RAB4A: variants seen among roughly 807,000 people sequenced by gnomAD.
RAB4A encodes the protein ras-related protein Rab-4A.
RAB4A carries 20 observed loss-of-function variants against 34.5 expected under a neutral mutation model. That is an observed-to-expected ratio of 0.58 (90% confidence interval 0.41 to 0.84). The LOEUF is 0.84. Ranked by LOEUF, RAB4A falls within the 40% of genes least tolerant of loss-of-function variation. RAB4A has a pLI of 0.00. For synonymous variants in RAB4A, 102 were observed against 100.0 expected (o/e 1.02, Z -0.12); for missense variants, 228 against 274.5 (o/e 0.83, Z 1.20).
At chr1:229,302,309 A>ATATATTT (rs1657431515) in intron 6 of RAB4A, among the ~76,000 whole-genome samples, 1 of 35,898 alleles carries the variant, frequency 2.8e-5, no homozygotes, top group African/African-American at 8.1e-5. Flanking sequence ...ATATATATAT[A>ATATATTT]TTTTTTTTTT....
intron 1 of RAB4A, among the ~76,000 whole-genome samples, chr1:229,282,849 G>A (rs1287571338): frequency 6.6e-6 from 1 of 152,034 alleles, no homozygotes; most frequent in Non-Finnish European, 1.5e-5. Context: ...TTTTTCATTT[G>A]TTTCAAGCAT....
At chr1:229,297,715 T>C in intron 5 of RAB4A, 79 bp downstream of exon 5, 2 of 1,364,830 alleles carry the variant, frequency 1.5e-6, no homozygotes, top group African/African-American at 1.5e-5. Context: ...TTAAAACATA[T>C]ATTGGAATTT....
intron 2 of RAB4A, among the ~76,000 whole-genome samples, 189 bp downstream of exon 2, chr1:229,286,755 G>A (rs1214971913): frequency 6.6e-6 from 1 of 152,168 alleles, no homozygotes; most frequent in Non-Finnish European, 1.5e-5. Context: ...TTTAACAATG[G>A]TTCAGTATAT....
intron 6 of RAB4A, among the ~76,000 whole-genome samples, chr1:229,301,852 G>A (rs529811566): frequency 2.6e-5 from 4 of 151,514 alleles, no homozygotes; most frequent in South Asian, 2.1e-4. Flanking sequence ...TATAGTTTCC[G>A]TATATACATA....
At chr1:229,279,610 C>G (rs1164485713) in intron 1 of RAB4A, among the ~76,000 whole-genome samples, 2 of 152,082 alleles carry the variant, frequency 1.3e-5, no homozygotes, top group Non-Finnish European at 2.9e-5. Context: ...GCTAGGAGAC[C>G]TTTTTTTCCT....
chr1:229,302,729 G>C (rs1332718037), intron 6 of RAB4A, 133 bp from the exon 7 acceptor site: 1 of 610,274 alleles, frequency 1.6e-6, no homozygotes, highest in East Asian at 3.0e-5. Context: ...CATATATATA[G>C]TTTTTTCCCT....
At chr1:229,275,171 C>T (rs1004749834) in intron 1 of RAB4A, among the ~76,000 whole-genome samples, 2 of 152,104 alleles carry the variant, frequency 1.3e-5, no homozygotes, top group South Asian at 2.1e-4. Flanking sequence ...ATGAGGTCAT[C>T]GTACTGAATT....
chr1:229,305,395 A>G lies in RAB4A; in HGVS notation c.*1602A>G. Reference sequence around the variant, plus strand: ...CAGCTTATTCAAAAGCAAGAATTTTAAAAATAAGATAAATGTAAAGTTGTT... The same window carrying G: ...CAGCTTATTCAAAAGCAAGAATTTTGAAAATAAGATAAATGTAAAGTTGTT... On this transcript the variant is annotated 3_prime_UTR_variant, in exon 8 of 8. Transcript: ENST00000366690. 1 of 1,069,160 alleles carries G rather than the reference A, an allele frequency of 9.4e-7. No individual in the cohort carries two copies. Among genetic ancestry groups the G allele is most frequent in the East Asian group, 2.7e-5 (1 of 36,466 alleles). The allele number at this position is 1,069,160 out of a possible 1,614,324, so 66.2% of individuals were successfully genotyped here.
rs1657483333 is a variant in RAB4A, at chr1:229,303,948, A to T, written c.*155A>T. Reference sequence around the variant, plus strand: ...TTGGGGTGTTCTGCAAGCCAGTCAAAGTGGCACAGCAAATCATATAAATCG... The same window carrying T: ...TTGGGGTGTTCTGCAAGCCAGTCAATGTGGCACAGCAAATCATATAAATCG... On this transcript the variant is annotated 3_prime_UTR_variant, in exon 8 of 8. Transcript: ENST00000366690. 6.6e-6 allele frequency: 1 copy of T among 152,226 alleles called. No homozygotes were observed. Among genetic ancestry groups the T allele is most frequent in the African/African-American group, 2.4e-5 (1 of 41,458 alleles). The allele number at this position is 152,226 out of a possible 1,614,324, so 9.4% of individuals were successfully genotyped here. A position where few individuals can be genotyped will look rare whatever the true frequency, so the allele number is the denominator to read the frequency against.
Position 229,288,793 on chromosome 1 carries a change from T to G in RAB4A, c.177T>G (p.Gly59=). ...EFGSKIINVG[G]KYVKLQIWDT... ...GTTCAAAGATAATAAATGTTGGTGG[T>G]AAATATGTAAAGTTACAAATATGGG... is the stretch of plus-strand genomic sequence containing the variant. Residue 59 remains glycine, a synonymous_variant, in exon 3 of 8, where the codon GGT becomes GGG. Transcript: ENST00000366690. 3 of 1,596,820 alleles carry G rather than the reference T, an allele frequency of 1.9e-6. No homozygotes were observed. The highest frequency in any genetic ancestry group is 2.6e-6 in the Non-Finnish European group (3 of 1,165,082).
At position 229,274,312 on chromosome 1, in the gene RAB4A, G is replaced by A. The variant is rs143647354; in HGVS notation, c.31+2942G>A. Among the ~76,000 whole-genome samples the A allele has an allele frequency of 3.0e-4, 45 of 151,404 alleles. 1 individual carries two copies. The highest frequency in any genetic ancestry group is 1.0e-3 in the African/African-American group (42 of 41,250). On this transcript the variant is annotated intron_variant, in intron 1 of 7. Coordinates refer to ENST00000366690, the MANE Select transcript of RAB4A (RefSeq NM_004578.4). Reference sequence around the variant, plus strand: ...ACTCCTGGGCTCAAGTGATCCTCGTGCCTCCACCTCCCAAAATGTTGAGAT... The same window carrying A: ...ACTCCTGGGCTCAAGTGATCCTCGTACCTCCACCTCCCAAAATGTTGAGAT...
Position 229,286,642 on chromosome 1 carries a change from A to T in RAB4A, c.112+76A>T, listed in dbSNP as rs996748017. On this transcript the variant is annotated intron_variant, in intron 2 of 7. Transcript: ENST00000366690. ...TCTCACTCAGATTTGTTTACAGTAA[A>T]CTTAATTTTTTCAGAGGAAAAAAGT... 7 of 928,172 alleles carry T rather than the reference A, an allele frequency of 7.5e-6. No homozygotes were observed. In the East Asian group the frequency reaches 1.7e-4, roughly 22 times the overall value. The allele number at this position is 928,172 out of a possible 1,614,324, so 57.5% of individuals were successfully genotyped here. A position where few individuals can be genotyped will look rare whatever the true frequency, so the allele number is the denominator to read the frequency against.
chr1:229,278,699 G>C (rs929838140), intron 1 of RAB4A, among the ~76,000 whole-genome samples: 1 of 152,018 alleles, frequency 6.6e-6, no homozygotes, highest in African/African-American at 2.4e-5. Context: ...CTGACTTTGC[G>C]CCTTCCTCCT....
chr1:229,300,720 T>C (rs1391335286), intron 6 of RAB4A, among the ~76,000 whole-genome samples: 2 of 152,076 alleles, frequency 1.3e-5, no homozygotes, highest in Non-Finnish European at 2.9e-5. Context: ...CATGGAGTTA[T>C]CTAGTAAGCT....
In RAB4A at chr1:229,304,221, T is replaced by C. The variant is rs1477325350; in HGVS notation, c.*428T>C. The C allele has an allele frequency of 6.6e-6, 1 of 152,182 alleles. No individual in the cohort carries two copies. Among genetic ancestry groups the C allele is most frequent in the African/African-American group, 2.4e-5 (1 of 41,428 alleles). The allele number at this position is 152,182 out of a possible 1,614,324, so 9.4% of individuals were successfully genotyped here. ...TGTGCTTTTCTCATCATGTTGGTTA[T>C]ATTGCACAATTGGTTATATTTATGA... is the stretch of plus-strand genomic sequence containing the variant. On this transcript the variant is annotated 3_prime_UTR_variant, in exon 8 of 8. Transcript: ENST00000366690.
At position 229,294,432 on chromosome 1, in the gene RAB4A, G is replaced by A. The variant is rs148271976; in HGVS notation, c.228-1416G>A. Reference sequence around the variant, plus strand: ...AGTGAGGACAGAAATGCCCACTCCAGCTTCGGTTGCAGAGAGGGTGGGGAC... The same window carrying A: ...AGTGAGGACAGAAATGCCCACTCCAACTTCGGTTGCAGAGAGGGTGGGGAC... On this transcript the variant is annotated intron_variant, in intron 3 of 7. Transcript: ENST00000366690. Among the ~76,000 whole-genome samples, 355 of 152,382 alleles carry A rather than the reference G, an allele frequency of 2.3e-3. 1 individual carries two copies. The highest frequency in any genetic ancestry group is 0.017 in the Middle Eastern group (5 of 294).
chr1:229,280,224 A>G (rs1332769315), intron 1 of RAB4A, among the ~76,000 whole-genome samples: 2 of 152,236 alleles, frequency 1.3e-5, no homozygotes, highest in Non-Finnish European at 2.9e-5. Context: ...CATTGCTGCA[A>G]ACCAGCAAAC....
intron 1 of RAB4A, among the ~76,000 whole-genome samples, chr1:229,271,676 C>G (rs1306004259): frequency 6.6e-6 from 1 of 152,210 alleles, no homozygotes; most frequent in African/African-American, 2.4e-5. Flanking sequence ...CCCTCTCAGT[C>G]TAATGTAAAT....
At chr1:229,281,727 T>A (rs1656781570) in intron 1 of RAB4A, among the ~76,000 whole-genome samples, 1 of 151,488 alleles carries the variant, frequency 6.6e-6, no homozygotes. Flanking sequence ...CTGTTTGATT[T>A]ACCAAGAGTG....
Sources: allele counts gnomAD v4.1 joint callset (sites outside exome capture counted in the v4.1 genomes callset), GRCh38; gene constraint gnomAD v4.1.1; transcripts MANE v1.5; gene names NCBI Gene and HGNC (gene_info 2026-07-23, HGNC 2026-07-21).